The following ANKRD44 variants were observed in gnomAD, a reference collection of about 807,000 sequenced individuals.
ANKRD44 encodes serine/threonine-protein phosphatase 6 regulatory ankyrin repeat subunit B.
A neutral mutation model predicts 116.0 loss-of-function variants in ANKRD44; 35 were observed. The observed-to-expected ratio is 0.30, with a 90% CI of 0.23 to 0.40. ANKRD44 has a LOEUF of 0.40. ANKRD44 is among the 10% of genes least tolerant of loss of function. The probability of loss-of-function intolerance (pLI) is 1.00; values close to 1 mark genes in which losing one functional copy is unlikely to be tolerated. For synonymous variants in ANKRD44, 435 were observed against 461.8 expected, an observed-to-expected ratio of 0.94 and a Z score of 0.74; for missense variants, 1,014 against 1,242.6, an observed-to-expected ratio of 0.82 and a Z score of 2.77.
intron 13 of ANKRD44, among the ~76,000 whole-genome samples, 189 bp from the exon 14 acceptor site, chr2:197,083,698 GA>G (rs2077852303): frequency 6.6e-6 from 1 of 152,200 alleles, no homozygotes; most frequent in Non-Finnish European, 1.5e-5. Context: ...CTTGGAACTA[GA>G]AGTGTTCTGG....
intron 2 of ANKRD44, among the ~76,000 whole-genome samples, chr2:197,174,812 AG>A (rs1427517117): frequency 6.6e-6 from 1 of 152,232 alleles, no homozygotes; most frequent in African/African-American, 2.4e-5. Context: ...TACATATGTC[AG>A]GTGGTGAGAA....
chr2:197,190,966 T>A (rs143178999), intron 1 of ANKRD44, among the ~76,000 whole-genome samples: 19 of 152,184 alleles, frequency 1.2e-4, no homozygotes, highest in African/African-American at 4.6e-4. Flanking sequence ...AATACAAAAT[T>A]GTAACAAGGG....
chr2:197,286,629 G>A (rs75178312), intron 1 of ANKRD44, among the ~76,000 whole-genome samples: 6,080 of 151,924 alleles, frequency 0.04, 392 homozygotes, highest in African/African-American at 0.14. Flanking sequence ...CCTCTCACCT[G>A]GGCCTCCCAA....
chr2:196,967,694 A>G (rs569254581), intron 21 of ANKRD44, among the ~76,000 whole-genome samples: 1 of 152,366 alleles, frequency 6.6e-6, no homozygotes, highest in Admixed American at 6.5e-5. Flanking sequence ...ATTTCATACA[A>G]TGGCAACAAA....
At chr2:197,217,638 TC>T (rs35489505) in intron 1 of ANKRD44, among the ~76,000 whole-genome samples, 1 of 152,160 alleles carries the variant, frequency 6.6e-6, no homozygotes, top group Non-Finnish European at 1.5e-5. Context: ...GAGGTGACTT[TC>T]CCCCTTTTGT....
chr2:197,250,354 C>G lies in ANKRD44; in HGVS notation c.27+60224G>C, dbSNP rs116157006. Among the ~76,000 whole-genome samples the G allele has an allele frequency of 6.6e-3, 1,003 of 152,258 alleles. 5 individuals are homozygous for G. The highest frequency in any genetic ancestry group is 9.6e-3 in the Non-Finnish European group (654 of 68,022). On this transcript the variant is annotated intron_variant, in intron 1 of 27. Transcript: ENST00000282272. ...TCTTATAAGGGAGGAATATCTTTCC[C>G]AGAAGACCCCAGTTGACTTCCATGA...
chr2:197,278,443 A>G (rs1222152195), intron 1 of ANKRD44, among the ~76,000 whole-genome samples: 3 of 148,656 alleles, frequency 2.0e-5, no homozygotes, highest in Non-Finnish European at 4.5e-5. Flanking sequence ...TGCAACCTCC[A>G]CCTCCCGGGT....
chr2:197,112,687 G>A (rs1442923248), intron 8 of ANKRD44, among the ~76,000 whole-genome samples: 12 of 136,022 alleles, frequency 8.8e-5, no homozygotes, highest in African/African-American at 2.7e-4. Flanking sequence ...CAGCCTGGGC[G>A]ACAGAGCGAG....
chr2:196,973,088 A>G (rs1281791380), intron 21 of ANKRD44, among the ~76,000 whole-genome samples: 1 of 152,148 alleles, frequency 6.6e-6, no homozygotes, highest in Non-Finnish European at 1.5e-5. Context: ...ACTGTAGGAG[A>G]GTTCCTGTTT....
intron 18 of ANKRD44, among the ~76,000 whole-genome samples, chr2:197,009,821 C>A (rs1230266961): frequency 6.6e-6 from 1 of 152,112 alleles, no homozygotes; most frequent in Non-Finnish European, 1.5e-5. Flanking sequence ...TGATCCCCAC[C>A]TTCCTTTTCT....
chr2:197,164,944 ATATAACCT>A (rs2080070666), intron 2 of ANKRD44, among the ~76,000 whole-genome samples: 2 of 152,134 alleles, frequency 1.3e-5, no homozygotes, highest in South Asian at 4.1e-4. Context: ...ACTTGGAGCC[ATATAACCT>A]TAGGCAAGTT....
intron 1 of ANKRD44, among the ~76,000 whole-genome samples, chr2:197,193,718 A>C (rs2080878979): frequency 6.6e-6 from 1 of 152,038 alleles, no homozygotes; most frequent in South Asian, 2.1e-4. Flanking sequence ...TCTCTACTAA[A>C]AATACAAAAA....
chr2:197,282,554 ACC>A (rs1279103670), intron 1 of ANKRD44, among the ~76,000 whole-genome samples: 3 of 152,092 alleles, frequency 2.0e-5, no homozygotes, highest in Non-Finnish European at 4.4e-5. Context: ...TCTGAGGGCC[ACC>A]CTGGGATGTT....
At chr2:197,193,615 C>G (rs2080875050) in intron 1 of ANKRD44, among the ~76,000 whole-genome samples, 1 of 152,136 alleles carries the variant, frequency 6.6e-6, no homozygotes, top group South Asian at 2.1e-4. Context: ...CGCGGTGGCT[C>G]ACACCTGTAA....
intron 1 of ANKRD44, among the ~76,000 whole-genome samples, chr2:197,255,978 C>A (rs2105695573): frequency 6.6e-6 from 1 of 152,332 alleles, no homozygotes; most frequent in African/African-American, 2.4e-5. Flanking sequence ...TCTATCTGGT[C>A]TAACTTTAGA....
chr2:197,263,097 C>T, intron 1 of ANKRD44: 4 of 463,874 alleles, frequency 8.6e-6, no homozygotes, highest in South Asian at 7.6e-5. Context: ...GCCACAGCCC[C>T]TCACCCCCTG....
In ANKRD44 at chr2:196,987,185, T is replaced by A; in HGVS notation, c.*2406A>T. The A allele has an allele frequency of 4.1e-6, 4 of 985,446 alleles. No homozygotes were observed. The highest frequency in any genetic ancestry group is 3.6e-6 in the Non-Finnish European group (3 of 829,900). 61.0% of individuals were successfully genotyped at this position (985,446 alleles called of 1,614,324 possible). A position where few individuals can be genotyped will look rare whatever the true frequency, so the allele number is the denominator to read the frequency against. On this transcript the variant is annotated 3_prime_UTR_variant, in exon 28 of 28. Coordinates refer to ENST00000282272, the MANE Select transcript of ANKRD44 (RefSeq NM_001195144.2). ...CCCTATAATACTGACCTATGGTTTATAGTTTCGTAAGACGAAAGCATTTTA... is the reference window on the plus strand; with the variant it reads ...CCCTATAATACTGACCTATGGTTTAAAGTTTCGTAAGACGAAAGCATTTTA...
At chr2:197,216,695 C>A (rs2081451781) in intron 1 of ANKRD44, among the ~76,000 whole-genome samples, 1 of 152,112 alleles carries the variant, frequency 6.6e-6, no homozygotes, top group South Asian at 2.1e-4. Context: ...AGACAGTAGA[C>A]TTTCCATTTT....
rs2075881020 is a variant in ANKRD44 at position 196,989,491 on chromosome 2, T to C, written c.*100A>G. 3 of 1,359,468 alleles carry C rather than the reference T, an allele frequency of 2.2e-6. No individual in the cohort carries two copies. The South Asian group carries it at 5.7e-5, about 26-fold the overall frequency. The allele number at this position is 1,359,468 out of a possible 1,614,324, so 84.2% of individuals were successfully genotyped here. On this transcript the variant is annotated 3_prime_UTR_variant, in exon 28 of 28. Coordinates refer to ENST00000282272, the MANE Select transcript of ANKRD44 (RefSeq NM_001195144.2). ...AGACTGAAGCATTTTGGTCCTCATGTGTAGCTGGCTGATGAACTACACACA... is the reference window on the plus strand; with the variant it reads ...AGACTGAAGCATTTTGGTCCTCATGCGTAGCTGGCTGATGAACTACACACA...
Sources: gnomAD v4.1 joint callset for allele counts (sites outside exome capture counted in the v4.1 genomes callset) on GRCh38, gnomAD v4.1.1 for gene constraint, MANE v1.5 for transcripts, NCBI Gene and HGNC (gene_info 2026-07-23, HGNC 2026-07-21) for gene names.